The following WWOX variants were observed in gnomAD, a reference collection of about 807,000 sequenced individuals.
WWOX encodes WW domain-containing oxidoreductase.
WWOX carries 69 observed loss-of-function variants against 46.2 expected under a neutral mutation model. That is an observed-to-expected ratio of 1.49 (90% CI 1.23 to 1.82). WWOX has a LOEUF of 1.82. Ranked by LOEUF, WWOX falls within the 40% of genes most tolerant of loss-of-function variation. WWOX has a pLI of 0.00. For missense variants in WWOX, 919 were observed against 542.6 expected, an observed-to-expected ratio of 1.69 and a Z score of -6.89; for synonymous variants, 359 against 202.6, an observed-to-expected ratio of 1.77 and a Z score of -6.56.
Position 79,019,646 on chromosome 16 carries a change from C to T in WWOX, c.1057-191962C>T, listed in dbSNP as rs573547684. On this transcript the variant is annotated intron_variant, in intron 8 of 8. Transcript: ENST00000566780. ...TGAGCTCAGGAAGCAGCTGCATGTG[C>T]ATACTGGATAAGCAAGGGAGACTCC... 1.1e-3 allele frequency among the ~76,000 whole-genome samples: 172 copies of T among 151,946 alleles called. 1 individual carries two copies. The highest frequency in any genetic ancestry group is 3.4e-3 in the Middle Eastern group (1 of 294).
At chr16:78,362,208 A>G (rs1317367704) in intron 5 of WWOX, among the ~76,000 whole-genome samples, 1 of 151,540 alleles carries the variant, frequency 6.6e-6, no homozygotes, top group African/African-American at 2.4e-5. Flanking sequence ...ATTGTACTGA[A>G]CTCGTGGGAG....
chr16:78,361,971 CTT>C (rs56026502), intron 5 of WWOX, among the ~76,000 whole-genome samples: 2 of 138,550 alleles, frequency 1.4e-5, no homozygotes, highest in Non-Finnish European at 1.5e-5. Context: ...CAGGTATTTC[CTT>C]TTTTTTTTTT....
chr16:78,334,819 C>A (rs1402441478), intron 5 of WWOX, among the ~76,000 whole-genome samples: 1 of 90,860 alleles, frequency 1.1e-5, no homozygotes, highest in Non-Finnish European at 2.4e-5. Flanking sequence ...CACACACACA[C>A]ACACACACAC....
intron 8 of WWOX, among the ~76,000 whole-genome samples, chr16:79,025,166 G>T (rs75996667): frequency 2.0e-5 from 3 of 152,072 alleles, no homozygotes; most frequent in African/African-American, 7.2e-5. Context: ...AGGGAATGCG[G>T]TTCCCCTGTG....
At chr16:78,144,290 A>AT (rs2034088884) in intron 4 of WWOX, among the ~76,000 whole-genome samples, 1 of 150,302 alleles carries the variant, frequency 6.7e-6, no homozygotes. Flanking sequence ...TTCAGTACAA[A>AT]TTTTTAGGTT....
chr16:79,073,928 A>C (rs1052937575), intron 8 of WWOX, among the ~76,000 whole-genome samples: 1 of 152,122 alleles, frequency 6.6e-6, no homozygotes, highest in Non-Finnish European at 1.5e-5. Flanking sequence ...TTTTTCTAGC[A>C]ATTCTCAATG....
chr16:78,794,669 G>C (rs1381951558), intron 8 of WWOX, among the ~76,000 whole-genome samples: 1 of 152,216 alleles, frequency 6.6e-6, no homozygotes, highest in Non-Finnish European at 1.5e-5. Flanking sequence ...TATAGCTGTT[G>C]CTGTCATTCC....
chr16:78,455,193 G>C (rs1196118106), intron 8 of WWOX, among the ~76,000 whole-genome samples: 1 of 152,198 alleles, frequency 6.6e-6, no homozygotes, highest in Non-Finnish European at 1.5e-5. Context: ...ACTGAGACTT[G>C]AATGATGTGT....
At chr16:78,438,772 C>T (rs2083385214) in intron 8 of WWOX, among the ~76,000 whole-genome samples, 1 of 152,124 alleles carries the variant, frequency 6.6e-6, no homozygotes, top group South Asian at 2.1e-4. Context: ...CCGTGTAAAG[C>T]CAGTCATCGT....
chr16:78,105,161 C>T (rs1055106566), intron 1 of WWOX, among the ~76,000 whole-genome samples: 2 of 152,136 alleles, frequency 1.3e-5, no homozygotes, highest in Non-Finnish European at 2.9e-5. Context: ...AAGGCAGCCC[C>T]GCAACAAAGA....
chr16:78,748,216 C>T (rs1161010930), intron 8 of WWOX, among the ~76,000 whole-genome samples: 3 of 152,152 alleles, frequency 2.0e-5, no homozygotes, highest in Non-Finnish European at 4.4e-5. Context: ...AGTGTCCACT[C>T]AATACATATC....
intron 8 of WWOX, chr16:78,535,206 G>A (rs74029536): frequency 1.3e-5 from 2 of 152,164 alleles, no homozygotes; most frequent in East Asian, 1.9e-4. Context: ...CACAGGATCT[G>A]CTCAGGGAGA....
intron 5 of WWOX, among the ~76,000 whole-genome samples, chr16:78,225,909 T>C (rs2037039018): frequency 6.6e-6 from 1 of 152,182 alleles, no homozygotes; most frequent in Non-Finnish European, 1.5e-5. Context: ...CTATTCTACA[T>C]CTAAATAGTG....
At chr16:78,728,050 C>T (rs1484889527) in intron 8 of WWOX, among the ~76,000 whole-genome samples, 9 of 104,076 alleles carry the variant, frequency 8.6e-5, no homozygotes, top group African/African-American at 3.9e-4. Flanking sequence ...CTCTCTCCCT[C>T]CTTCCTTTTT....
intron 8 of WWOX, among the ~76,000 whole-genome samples, chr16:78,494,864 C>T (rs987158576): frequency 1.3e-5 from 2 of 152,248 alleles, no homozygotes; most frequent in Non-Finnish European, 1.5e-5. Context: ...TGATGTTCAT[C>T]GCACAGTGAC....
intron 8 of WWOX, among the ~76,000 whole-genome samples, chr16:78,611,416 C>G (rs2738552): frequency 0.84 from 127,892 of 152,208 alleles, 53,927 homozygotes; most frequent in Non-Finnish European, 0.85. Context: ...ATTGTCTATC[C>G]TAAGGGAATT....
intron 8 of WWOX, among the ~76,000 whole-genome samples, chr16:79,143,598 A>G (rs920850908): frequency 7.2e-5 from 11 of 152,214 alleles, no homozygotes; most frequent in African/African-American, 2.4e-4. Flanking sequence ...AGGGATGATA[A>G]AAATTATGAT....
intron 8 of WWOX, among the ~76,000 whole-genome samples, chr16:78,684,088 T>C (rs1055512692): frequency 2.0e-5 from 3 of 152,206 alleles, no homozygotes; most frequent in East Asian, 1.9e-4. Flanking sequence ...TTTTAGCTCA[T>C]GGCCGTGCAG....
At chr16:78,614,016 C>T (rs1229360681) in intron 8 of WWOX, among the ~76,000 whole-genome samples, 1 of 152,164 alleles carries the variant, frequency 6.6e-6, no homozygotes, top group African/African-American at 2.4e-5. Flanking sequence ...TAACCATATG[C>T]CCACAAAGCC....
Sources: allele counts gnomAD v4.1 joint callset (sites outside exome capture counted in the v4.1 genomes callset), GRCh38; gene constraint gnomAD v4.1.1; transcripts MANE v1.5; gene names NCBI Gene and HGNC (gene_info 2026-07-23, HGNC 2026-07-21).